The following PRICKLE1 variants were observed in gnomAD, a reference collection of about 807,000 sequenced individuals.
The protein encoded by PRICKLE1 is prickle-like protein 1.
In PRICKLE1, 14 loss-of-function variants were observed where a neutral mutation model predicts 70.2. That is an observed-to-expected ratio of 0.20 (90% CI 0.13 to 0.31). The LOEUF (loss-of-function observed/expected upper bound fraction) is 0.31, where lower values mean the gene tolerates loss of function less well. PRICKLE1 is among the 10% of genes least tolerant of loss of function. PRICKLE1 has a pLI of 1.00. For synonymous variants in PRICKLE1, 357 were observed against 379.9 expected (o/e 0.94, Z 0.70); for missense variants, 821 against 1,026.2 (o/e 0.80, Z 2.73).
chr12:42,578,906 C>A (rs974110718), intron 1 of PRICKLE1, among the ~76,000 whole-genome samples: 1 of 152,150 alleles, frequency 6.6e-6, no homozygotes, highest in Admixed American at 6.5e-5. Context: ...GGATTACAGG[C>A]GTGCACAACC....
intron 1 of PRICKLE1, among the ~76,000 whole-genome samples, chr12:42,571,346 G>A (rs1940709381): frequency 6.6e-6 from 1 of 152,140 alleles, no homozygotes; most frequent in Non-Finnish European, 1.5e-5. Flanking sequence ...AGGTATTACA[G>A]GAATAAAATT....
At chr12:42,477,269 G>A (rs1277752742) in intron 1 of PRICKLE1, among the ~76,000 whole-genome samples, 1 of 151,710 alleles carries the variant, frequency 6.6e-6, no homozygotes, top group African/African-American at 2.4e-5. Context: ...CTACTCGAGA[G>A]GCTGAGGCAG....
chr12:42,545,976 AT>A (rs1940204655), intron 1 of PRICKLE1, among the ~76,000 whole-genome samples: 1 of 151,898 alleles, frequency 6.6e-6, no homozygotes, highest in Admixed American at 6.6e-5. Context: ...TAGTCAAAAG[AT>A]TTTTTTCAAG....
At chr12:42,564,473 T>G (rs1275009618) in intron 1 of PRICKLE1, among the ~76,000 whole-genome samples, 2 of 151,798 alleles carry the variant, frequency 1.3e-5, no homozygotes, top group Non-Finnish European at 2.9e-5. Context: ...TCAGGCGTGG[T>G]GGCGGGCACC....
intron 1 of PRICKLE1, among the ~76,000 whole-genome samples, chr12:42,502,722 G>A (rs1242282062): frequency 2.0e-5 from 3 of 152,168 alleles, no homozygotes; most frequent in Non-Finnish European, 2.9e-5. Context: ...GGAAAGGGCC[G>A]AGTCTTAGAT....
At chr12:42,524,647 T>C (rs2120499919) in intron 1 of PRICKLE1, 1 of 152,250 alleles carries the variant, frequency 6.6e-6, no homozygotes, top group Middle Eastern at 3.4e-3. Context: ...CCTGACCTCA[T>C]GAACCACCAG....
At chr12:42,557,391 T>C (rs929590851) in intron 1 of PRICKLE1, among the ~76,000 whole-genome samples, 1 of 152,198 alleles carries the variant, frequency 6.6e-6, no homozygotes, top group African/African-American at 2.4e-5. Context: ...TTACATCGTT[T>C]GGGAAAACGC....
chr12:42,537,005 T>A (rs1166839938), intron 1 of PRICKLE1, among the ~76,000 whole-genome samples: 1 of 152,212 alleles, frequency 6.6e-6, no homozygotes, highest in Non-Finnish European at 1.5e-5. Context: ...AGAGTTGTTT[T>A]GGCTCCTCTT....
intron 1 of PRICKLE1, among the ~76,000 whole-genome samples, chr12:42,503,059 A>G (rs568663220): frequency 6.6e-6 from 1 of 152,366 alleles, no homozygotes; most frequent in South Asian, 2.1e-4. Context: ...GAACATGTTA[A>G]GTCCATGGGT....
rs150030888 is a variant in PRICKLE1 at position 42,514,887 on chromosome 12, C to CTCTATCTATCTA, written c.-48-42335_-48-42324dup. ...CTACTCTAACTTTTTTTAAGGCTCG[C>CTCTATCTATCTA]TCTATCTATCTATCTATCTATCTAT... On this transcript the variant is annotated intron_variant, in intron 1 of 7. Coordinates refer to ENST00000345127, the MANE Select transcript of PRICKLE1 (RefSeq NM_153026.3). Among the ~76,000 whole-genome samples, 547 of 139,788 alleles carry CTCTATCTATCTA rather than the reference C, an allele frequency of 3.9e-3. 2 individuals carry two copies. The highest frequency in any genetic ancestry group is 4.8e-3 in the Admixed American group (65 of 13,490). 91.7% of individuals were successfully genotyped at this position (139,788 alleles called of 152,430 possible).
At chr12:42,586,405 T>A (rs570696842) in intron 1 of PRICKLE1, among the ~76,000 whole-genome samples, 5 of 151,542 alleles carry the variant, frequency 3.3e-5, no homozygotes, top group African/African-American at 1.2e-4. Flanking sequence ...TTTTTTTTTT[T>A]CCCCAGAGAT....
chr12:42,504,311 C>CTA (rs1364427481), intron 1 of PRICKLE1, among the ~76,000 whole-genome samples: 2 of 152,184 alleles, frequency 1.3e-5, no homozygotes, highest in African/African-American at 4.8e-5. Context: ...GGGCAGAGTA[C>CTA]AGGGAAACTG....
At chr12:42,543,992 T>A (rs1316858943) in intron 1 of PRICKLE1, among the ~76,000 whole-genome samples, 1 of 152,232 alleles carries the variant, frequency 6.6e-6, no homozygotes, top group Non-Finnish European at 1.5e-5. Flanking sequence ...CATTTACTAT[T>A]CATTAAGTGG....
At chr12:42,566,392 TGAGGATG>T (rs1454206678) in intron 1 of PRICKLE1, among the ~76,000 whole-genome samples, 8 of 152,014 alleles carry the variant, frequency 5.3e-5, no homozygotes, top group Non-Finnish European at 1.2e-4. Context: ...GGAGAGGGTT[TGAGGATG>T]GATGATGGCA....
intron 1 of PRICKLE1, among the ~76,000 whole-genome samples, chr12:42,507,969 C>T (rs1939447255): frequency 6.6e-6 from 1 of 152,190 alleles, no homozygotes; most frequent in Non-Finnish European, 1.5e-5. Context: ...ATGTCAATCT[C>T]ATTTGGATTA....
rs754699794 is a variant in PRICKLE1 at position 42,468,675 on chromosome 12, C to A, written c.539G>T (p.Gly180Val). ...YFYQDGKIHCGRHHAELLKPR... is the reference protein window; with the variant it reads ...YFYQDGKIHCVRHHAELLKPR... ...TTTGAGCAGTTCTGCATGGTGCCTG[C>A]CACAGTGAATTTTTCCATCCTGATA... is the stretch of plus-strand genomic sequence containing the variant. Residue 180 changes from glycine to valine, a missense_variant, in exon 5 of 8, where the codon GGC becomes GTC. By Grantham distance (109) the Gly-to-Val change is moderately radical. Coordinates refer to ENST00000345127, the MANE Select transcript of PRICKLE1 (RefSeq NM_153026.3). 1 of 1,614,034 alleles carries A rather than the reference C, an allele frequency of 6.2e-7. No individual in the cohort carries two copies. The highest frequency in any genetic ancestry group is 8.5e-7 in the Non-Finnish European group (1 of 1,179,996).
intron 1 of PRICKLE1, among the ~76,000 whole-genome samples, chr12:42,536,656 T>G (rs540432074): frequency 6.6e-6 from 1 of 152,198 alleles, no homozygotes; most frequent in Admixed American, 6.5e-5. Context: ...CCTGAACTTA[T>G]GTGTAGAAGT....
intron 1 of PRICKLE1, chr12:42,484,082 C>G (rs1593130606): frequency 6.7e-6 from 1 of 148,944 alleles, no homozygotes; most frequent in South Asian, 2.2e-4. Flanking sequence ...TCCCGCCCTT[C>G]GATCCCAGCC....
chr12:42,497,634 T>C (rs907626557), intron 1 of PRICKLE1, among the ~76,000 whole-genome samples: 1 of 151,398 alleles, frequency 6.6e-6, no homozygotes, highest in African/African-American at 2.4e-5. Context: ...AATAGTAACA[T>C]CAAAGGTCAC....
Sources: allele counts gnomAD v4.1 joint callset (sites outside exome capture counted in the v4.1 genomes callset), GRCh38; gene constraint gnomAD v4.1.1; transcripts MANE v1.5; gene names NCBI Gene and HGNC (gene_info 2026-07-23, HGNC 2026-07-21).